Variants in ADGRB3 observed in about 807,000 individuals in gnomAD.
ADGRB3 encodes the protein brain-specific angiogenesis inhibitor 3.
ADGRB3 carries 37 observed loss-of-function variants against 193.4 expected under a neutral mutation model. The ratio of observed to expected loss-of-function variants is 0.19; its 90% CI spans 0.15 to 0.25. ADGRB3 has a LOEUF of 0.25. Among genes scored for constraint, ADGRB3 ranks in the 10% least tolerant of loss-of-function variants. The probability of loss-of-function intolerance (pLI) is 1.00; values close to 1 mark genes in which losing one functional copy is unlikely to be tolerated. For missense variants in ADGRB3, 1,637 were observed against 1,852.9 expected (o/e 0.88, Z 2.14); for synonymous variants, 690 against 644.2 (o/e 1.07, Z -1.08).
At chr6:68,819,693 C>T (rs145170333) in intron 3 of ADGRB3, among the ~76,000 whole-genome samples, 110 of 152,154 alleles carry the variant, frequency 7.2e-4, no homozygotes, top group Non-Finnish European at 1.4e-3. Context: ...CTTTTATTCT[C>T]ACCCTGTTGA....
At chr6:69,282,146 A>G (rs2127286623) in intron 20 of ADGRB3, among the ~76,000 whole-genome samples, 2 of 152,230 alleles carry the variant, frequency 1.3e-5, no homozygotes, top group South Asian at 4.2e-4. Flanking sequence ...CTGTTTTCTC[A>G]AGAGCAATGT....
chr6:68,941,886 T>A (rs1487178131), intron 5 of ADGRB3, among the ~76,000 whole-genome samples: 2 of 150,832 alleles, frequency 1.3e-5, no homozygotes, highest in East Asian at 1.9e-4. Flanking sequence ...CTTTTATATA[T>A]ATTTAATTTT....
At chr6:68,694,417 C>G (rs996578956) in intron 3 of ADGRB3, among the ~76,000 whole-genome samples, 2 of 151,956 alleles carry the variant, frequency 1.3e-5, no homozygotes, top group African/African-American at 4.8e-5. Flanking sequence ...ACCCCCACCA[C>G]TATACTGAGA....
chr6:68,807,333 G>C (rs779361303), intron 3 of ADGRB3, among the ~76,000 whole-genome samples: 18 of 150,598 alleles, frequency 1.2e-4, no homozygotes, highest in Middle Eastern at 3.4e-3. Flanking sequence ...CGCCCCGCGG[G>C]GTTCACGCCA....
chr6:69,115,089 TAC>T (rs1773491565), intron 17 of ADGRB3, among the ~76,000 whole-genome samples: 1 of 152,170 alleles, frequency 6.6e-6, no homozygotes, highest in African/African-American at 2.4e-5. Context: ...GCAATCCCAT[TAC>T]TGGGTATATA....
At chr6:69,085,683 A>G (rs774784760) in intron 17 of ADGRB3, among the ~76,000 whole-genome samples, 15 of 151,898 alleles carry the variant, frequency 9.9e-5, no homozygotes, top group Non-Finnish European at 2.2e-4. Flanking sequence ...GCTCACTTGT[A>G]CTATAGTTAA....
Position 68,956,801 on chromosome 6 carries a change from G to A in ADGRB3, c.1517G>A (p.Arg506Gln), listed in dbSNP as rs1004615310. The A allele has an allele frequency of 1.1e-5, 18 of 1,613,302 alleles. No individual in the cohort carries two copies. The Middle Eastern group carries it at 9.9e-4, about 89-fold the overall frequency. ...GAAGTGAGAAGATGCAATGAGCAGC[G>A]ATGCCCTGGTGAGAATGAACCCAAA... ...GEEVRRCNEQRCPAPYEICPE... is the reference protein window; with the variant it reads ...GEEVRRCNEQQCPAPYEICPE... Residue 506 changes from arginine (R) to glutamine (Q), a missense_variant, in exon 8 of 32, where the codon CGA (arginine) becomes CAA (glutamine). Arg to Gln is a conservative substitution (Grantham distance 43). This residue lies in a region of ADGRB3 where 641 missense variants were observed against 673.9 expected (regional missense o/e 0.95). Coordinates refer to ENST00000370598, the MANE Select transcript of ADGRB3 (RefSeq NM_001704.3).
intron 3 of ADGRB3, among the ~76,000 whole-genome samples, chr6:68,920,154 G>A (rs1346276672): frequency 6.6e-6 from 1 of 152,134 alleles, no homozygotes; most frequent in Non-Finnish European, 1.5e-5. Context: ...AGAGTACCAA[G>A]TAAACGAAAT....
intron 3 of ADGRB3, among the ~76,000 whole-genome samples, chr6:68,884,872 T>C (rs758861626): frequency 6.6e-6 from 1 of 152,144 alleles, no homozygotes; most frequent in Non-Finnish European, 1.5e-5. Context: ...ATCTTGAAAA[T>C]GTTTTTTAAA....
At chr6:68,683,339 ATAAT>A (rs1322772033) in intron 3 of ADGRB3, among the ~76,000 whole-genome samples, 1 of 152,116 alleles carries the variant, frequency 6.6e-6, no homozygotes, top group African/African-American at 2.4e-5. Flanking sequence ...ACATCTGGCA[ATAAT>A]TAAATTATGA....
intron 8 of ADGRB3, among the ~76,000 whole-genome samples, chr6:68,957,576 T>A (rs972412480): frequency 1.3e-5 from 2 of 152,180 alleles, no homozygotes; most frequent in African/African-American, 4.8e-5. Flanking sequence ...AAGACCCACT[T>A]AGAATCCTGT....
intron 16 of ADGRB3, among the ~76,000 whole-genome samples, chr6:69,073,264 C>G (rs1408926081): frequency 6.6e-6 from 1 of 151,662 alleles, no homozygotes; most frequent in Non-Finnish European, 1.5e-5. Flanking sequence ...CCCACCTCAT[C>G]AAAGGGCAGA....
intron 3 of ADGRB3, among the ~76,000 whole-genome samples, chr6:68,759,788 A>G (rs878997245): frequency 6.6e-6 from 1 of 152,120 alleles, no homozygotes; most frequent in Admixed American, 6.6e-5. Flanking sequence ...AAAACAAGAA[A>G]GAAACTAAGC....
chr6:68,836,906 A>G (rs547337613), intron 3 of ADGRB3, among the ~76,000 whole-genome samples: 2 of 152,290 alleles, frequency 1.3e-5, no homozygotes, highest in South Asian at 2.1e-4. Flanking sequence ...TTCAGAATTC[A>G]TTTGTATTTG....
At chr6:69,032,868 G>A (rs142970797) in intron 13 of ADGRB3, among the ~76,000 whole-genome samples, 96 of 152,190 alleles carry the variant, frequency 6.3e-4, no homozygotes, top group African/African-American at 2.2e-3. Flanking sequence ...CCTTCTGGAA[G>A]TTATCTCTCC....
At chr6:68,814,012 A>G (rs538288995) in intron 3 of ADGRB3, among the ~76,000 whole-genome samples, 2 of 152,272 alleles carry the variant, frequency 1.3e-5, no homozygotes, top group East Asian at 3.9e-4. Context: ...TGCCACAATA[A>G]ACCTACGTGT....
intron 20 of ADGRB3, among the ~76,000 whole-genome samples, chr6:69,321,089 G>T (rs1305569182): frequency 6.6e-6 from 1 of 151,524 alleles, no homozygotes; most frequent in Non-Finnish European, 1.5e-5. Flanking sequence ...TTGTCAATTT[G>T]TTCTTTATAT....
chr6:69,248,175 C>T (rs955941734), intron 20 of ADGRB3, among the ~76,000 whole-genome samples: 2 of 152,010 alleles, frequency 1.3e-5, no homozygotes, highest in Non-Finnish European at 2.9e-5. Flanking sequence ...TTCATCTTTC[C>T]CCTTCTTGGG....
chr6:69,186,860 G>C (rs1765081412), intron 17 of ADGRB3, among the ~76,000 whole-genome samples: 1 of 151,352 alleles, frequency 6.6e-6, no homozygotes, highest in South Asian at 2.1e-4. Context: ...TATTACCAGT[G>C]CTTGGGCCTG....
Sources: gnomAD v4.1 joint callset for allele counts (sites outside exome capture counted in the v4.1 genomes callset) on GRCh38, gnomAD v4.1.1 for gene constraint, gnomAD v4.1.1 regional missense constraint, MANE v1.5 for transcripts, NCBI Gene and HGNC (gene_info 2026-07-23, HGNC 2026-07-21) for gene names.